ESCO1: variants seen among roughly 807,000 people sequenced by gnomAD.
ESCO1 encodes N-acetyltransferase ESCO1.
A neutral mutation model predicts 83.5 loss-of-function variants in ESCO1; 33 were observed. That is an observed-to-expected ratio of 0.40 (90% CI 0.30 to 0.53). The LOEUF is 0.53. Among genes scored for constraint, ESCO1 ranks in the 20% least tolerant of loss-of-function variants. The pLI is 0.63. For synonymous variants in ESCO1, 332 were observed against 324.3 expected, an observed-to-expected ratio of 1.02 and a Z score of -0.25; for missense variants, 855 against 968.0, an observed-to-expected ratio of 0.88 and a Z score of 1.55.
chr18:21,564,115 CA>C, intron 7 of ESCO1, 87 bp downstream of exon 7: 1 of 857,286 alleles, frequency 1.2e-6, no homozygotes, highest in South Asian at 1.6e-5. Flanking sequence ...TAAAAATTAC[CA>C]ACCTCAGATA....
intron 7 of ESCO1, among the ~76,000 whole-genome samples, chr18:21,561,859 C>T (rs1190507253): frequency 1.3e-5 from 2 of 151,762 alleles, no homozygotes; most frequent in Non-Finnish European, 1.5e-5. Flanking sequence ...TGAGCCACTG[C>T]ACCCAGGTAG....
intron 1 of ESCO1, among the ~76,000 whole-genome samples, chr18:21,586,727 C>G (rs1009734026): frequency 1.3e-5 from 2 of 152,108 alleles, no homozygotes; most frequent in Admixed American, 1.3e-4. Flanking sequence ...AATCTGGACG[C>G]CTTTTATTTC....
intron 1 of ESCO1, among the ~76,000 whole-genome samples, chr18:21,594,401 T>C (rs1029609186): frequency 2.0e-4 from 31 of 152,218 alleles, no homozygotes; most frequent in African/African-American, 7.2e-4. Context: ...CAGTCTTCTC[T>C]TATTTCTACA....
intron 1 of ESCO1, among the ~76,000 whole-genome samples, chr18:21,588,672 T>C (rs1372664554): frequency 1.3e-5 from 2 of 151,978 alleles, no homozygotes; most frequent in African/African-American, 4.8e-5. Context: ...ATACTAACAC[T>C]ATGGGAGGCT....
At chr18:21,545,320 T>G (rs923865754) in intron 8 of ESCO1, among the ~76,000 whole-genome samples, 23 of 152,160 alleles carry the variant, frequency 1.5e-4, no homozygotes, top group African/African-American at 5.1e-4. Flanking sequence ...ATGCCTGTAA[T>G]CCCAGCACTT....
At chr18:21,590,501 T>G (rs912560131) in intron 1 of ESCO1, among the ~76,000 whole-genome samples, 1 of 152,062 alleles carries the variant, frequency 6.6e-6, no homozygotes, top group African/African-American at 2.4e-5. Flanking sequence ...AATACAGGCA[T>G]GAGCCACCGC....
chr18:21,549,664 A>G (rs924236655), intron 8 of ESCO1, among the ~76,000 whole-genome samples: 1 of 152,084 alleles, frequency 6.6e-6, no homozygotes, highest in Non-Finnish European at 1.5e-5. Context: ...TTTGCTCCCA[A>G]TTAGGATACA....
chr18:21,574,015 G>C lies in ESCO1; in HGVS notation c.829C>G (p.Pro277Ala), dbSNP rs376598965. 55 of 1,613,236 alleles carry C rather than the reference G, an allele frequency of 3.4e-5. No homozygotes were observed. In the African/African-American group the frequency reaches 7.1e-4, roughly 21 times the overall value. Residue 277 changes from proline (P) to alanine (A), a missense_variant, in exon 4 of 12, where the codon CCA becomes GCA. Coordinates refer to ENST00000269214, the MANE Select transcript of ESCO1 (RefSeq NM_052911.3). Reference sequence around the variant, plus strand: ...GGCACTGATGGCTGTGGACTTTTTGGGAGTGTTGTGTTAGTATTCACTTGT... The same window carrying C: ...GGCACTGATGGCTGTGGACTTTTTGCGAGTGTTGTGTTAGTATTCACTTGT... ...HTQVNTNTTL[P>A]KSPQPSVPEQ...
At chr18:21,561,504 G>A (rs892070561) in intron 7 of ESCO1, among the ~76,000 whole-genome samples, 1 of 151,870 alleles carries the variant, frequency 6.6e-6, no homozygotes, top group African/African-American at 2.4e-5. Flanking sequence ...CTTGGCTCCT[G>A]CAACCTCTGC....
At chr18:21,566,300 T>C (rs2038259299) in intron 5 of ESCO1, 94 bp from the exon 6 acceptor site, 2 of 1,092,428 alleles carry the variant, frequency 1.8e-6, no homozygotes, top group Non-Finnish European at 1.3e-6. Context: ...AAAAAAACCT[T>C]CAATGCATTA....
At chr18:21,555,380 A>G (rs547839977) in intron 8 of ESCO1, among the ~76,000 whole-genome samples, 1 of 152,342 alleles carries the variant, frequency 6.6e-6, no homozygotes, top group South Asian at 2.1e-4. Context: ...AATATACAAG[A>G]AAATCCTAAT....
At chr18:21,591,308 G>C (rs2038664529) in intron 1 of ESCO1, among the ~76,000 whole-genome samples, 1 of 152,120 alleles carries the variant, frequency 6.6e-6, no homozygotes, top group Admixed American at 6.6e-5. Flanking sequence ...GGAATGCCAG[G>C]GCAACCAACA....
intron 1 of ESCO1, among the ~76,000 whole-genome samples, chr18:21,593,923 A>G (rs1201324704): frequency 6.6e-6 from 1 of 152,124 alleles, no homozygotes; most frequent in Non-Finnish European, 1.5e-5. Flanking sequence ...AAGAGGTGCC[A>G]ATATCTAGTC....
intron 4 of ESCO1, among the ~76,000 whole-genome samples, chr18:21,572,482 C>T (rs2038354038): frequency 6.6e-6 from 1 of 152,172 alleles, no homozygotes; most frequent in Non-Finnish European, 1.5e-5. Flanking sequence ...AGAGTCTTGG[C>T]CACTACAATT....
At chr18:21,568,625 G>A (rs11664807) in intron 4 of ESCO1, among the ~76,000 whole-genome samples, 22,547 of 152,068 alleles carry the variant, frequency 0.15, 1,905 homozygotes, top group Middle Eastern at 0.26. Context: ...GCACCCAGCC[G>A]GGCACAGTGG....
rs1403598938 is a variant in ESCO1, at chr18:21,574,129, G to C, written c.715C>G (p.Pro239Ala). Reference protein sequence around the residue: ...QKTTRRDETKPVPVTSEVKRS... With the variant: ...QKTTRRDETKAVPVTSEVKRS... ...TTCACCTCAGAAGTTACAGGCACAG[G>C]TTTCGTTTCGTCTCTTCTAGTAGTC... is the stretch of plus-strand genomic sequence containing the variant. Residue 239 changes from proline to alanine, a missense_variant, in exon 4 of 12, where the codon CCT (proline) becomes GCT (alanine). Transcript: ENST00000269214. 6.2e-7 allele frequency: 1 copy of C among 1,613,594 alleles called. No homozygotes were observed. The highest frequency in any genetic ancestry group is 1.1e-5 in the South Asian group (1 of 91,078).
chr18:21,562,722 T>C (rs2038205008), intron 7 of ESCO1, among the ~76,000 whole-genome samples: 2 of 152,164 alleles, frequency 1.3e-5, no homozygotes, highest in African/African-American at 4.8e-5. Context: ...AATTTTTTTA[T>C]ATTCACTCAT....
At chr18:21,599,471 C>G (rs1322545695) in intron 1 of ESCO1, among the ~76,000 whole-genome samples, 1 of 152,160 alleles carries the variant, frequency 6.6e-6, no homozygotes, top group South Asian at 2.1e-4. Flanking sequence ...CAACTGAAAT[C>G]TATGTTTTAT....
chr18:21,545,787 G>A (rs1005071607), intron 8 of ESCO1, among the ~76,000 whole-genome samples: 2 of 151,850 alleles, frequency 1.3e-5, no homozygotes, highest in Admixed American at 1.3e-4. Context: ...AAAATTAGCT[G>A]AGCATGTGGC....
Sources: gnomAD v4.1 joint callset for allele counts (sites outside exome capture counted in the v4.1 genomes callset) on GRCh38, gnomAD v4.1.1 for gene constraint, MANE v1.5 for transcripts, NCBI Gene and HGNC (gene_info 2026-07-23, HGNC 2026-07-21) for gene names.